RAB3C: variants seen among roughly 807,000 people sequenced by gnomAD.
The protein encoded by RAB3C is RAB3C, member RAS oncogene family, also known as ras-related protein Rab-3C.
RAB3C carries 17 observed loss-of-function variants against 26.4 expected under a neutral mutation model. That is an observed-to-expected ratio of 0.64 (90% CI 0.44 to 0.97). RAB3C has a LOEUF of 0.97. RAB3C is among the 50% of genes least tolerant of loss of function. RAB3C has a pLI of 0.00. For synonymous variants in RAB3C, 91 were observed against 95.9 expected, an observed-to-expected ratio of 0.95 and a Z score of 0.30; for missense variants, 242 against 281.9, an observed-to-expected ratio of 0.86 and a Z score of 1.01.
At chr5:58,698,103 CT>C (rs1748758162) in intron 2 of RAB3C, among the ~76,000 whole-genome samples, 1 of 152,052 alleles carries the variant, frequency 6.6e-6, no homozygotes, top group Admixed American at 6.6e-5. Context: ...TTCAGGAGCT[CT>C]TGTAAGTCAG....
At chr5:58,707,796 G>T (rs1451215092) in intron 2 of RAB3C, among the ~76,000 whole-genome samples, 2 of 151,986 alleles carry the variant, frequency 1.3e-5, no homozygotes, top group African/African-American at 4.8e-5. Flanking sequence ...GAAGGAATAG[G>T]TCTCCTAAAA....
chr5:58,590,961 A>G (rs1173057874), intron 1 of RAB3C, among the ~76,000 whole-genome samples: 2 of 152,222 alleles, frequency 1.3e-5, no homozygotes, highest in Non-Finnish European at 2.9e-5. Flanking sequence ...TAGTATTTAC[A>G]TTACATTTTA....
intron 3 of RAB3C, among the ~76,000 whole-genome samples, chr5:58,735,607 G>C (rs1741117135): frequency 6.6e-6 from 1 of 152,188 alleles, no homozygotes; most frequent in South Asian, 2.1e-4. Context: ...TGAGGGTTCT[G>C]AGGGAAAATC....
intron 4 of RAB3C, among the ~76,000 whole-genome samples, chr5:58,829,287 AG>A (rs1353315787): frequency 1.3e-5 from 2 of 152,182 alleles, no homozygotes; most frequent in African/African-American, 4.8e-5. Context: ...TTAAATTTAT[AG>A]TATGGTACTT....
At chr5:58,746,248 A>G (rs1741400463) in intron 3 of RAB3C, among the ~76,000 whole-genome samples, 1 of 152,160 alleles carries the variant, frequency 6.6e-6, no homozygotes, top group African/African-American at 2.4e-5. Flanking sequence ...AGGCAAAATC[A>G]AGAGCCTCCC....
rs1561260140 is a variant in RAB3C, at chr5:58,596,821, A to AT, written c.24+13590dup. On this transcript the variant is annotated intron_variant, in intron 1 of 4. Transcript: ENST00000282878. Reference sequence around the variant, plus strand: ...AAATTTATAATATATAATACATAATATATTATATATAAATTTATAATATAT... The same window carrying AT: ...AAATTTATAATATATAATACATAATATTATTATATATAAATTTATAATATAT... 1.3e-3 allele frequency among the ~76,000 whole-genome samples: 118 copies of AT among 87,520 alleles called. 1 individual carries two copies. The highest frequency in any genetic ancestry group is 5.8e-3 in the African/African-American group (115 of 19,898). 57.4% of individuals were successfully genotyped at this position (87,520 alleles called of 152,430 possible). A position where few individuals can be genotyped will look rare whatever the true frequency, so the allele number is the denominator to read the frequency against.
At chr5:58,845,457 T>C (rs888250896) in intron 4 of RAB3C, among the ~76,000 whole-genome samples, 2 of 151,774 alleles carry the variant, frequency 1.3e-5, no homozygotes, top group African/African-American at 4.8e-5. Context: ...AGAAGGGTTC[T>C]TGTTGAGCAT....
chr5:58,692,664 C>G (rs1450993030), intron 2 of RAB3C, among the ~76,000 whole-genome samples: 1 of 152,098 alleles, frequency 6.6e-6, no homozygotes, highest in African/African-American at 2.4e-5. Context: ...TATCCATGCC[C>G]TGTGTTTGAG....
intron 2 of RAB3C, among the ~76,000 whole-genome samples, chr5:58,706,700 T>C (rs992913554): frequency 6.6e-6 from 1 of 152,216 alleles, no homozygotes; most frequent in Non-Finnish European, 1.5e-5. Flanking sequence ...TCTAACCTCT[T>C]ACAGAATGCA....
At chr5:58,654,603 T>G (rs1747727235) in intron 2 of RAB3C, among the ~76,000 whole-genome samples, 2 of 152,202 alleles carry the variant, frequency 1.3e-5, no homozygotes, top group Admixed American at 1.3e-4. Context: ...GAAATTCCCA[T>G]TGTGATAAAA....
intron 2 of RAB3C, among the ~76,000 whole-genome samples, chr5:58,624,447 G>A (rs115005620): frequency 1.6e-3 from 236 of 152,234 alleles, no homozygotes; most frequent in African/African-American, 5.4e-3. Flanking sequence ...TGATACTGTT[G>A]GGGCTTGAAG....
intron 3 of RAB3C, among the ~76,000 whole-genome samples, chr5:58,810,397 G>T (rs1320283055): frequency 8.7e-6 from 1 of 115,202 alleles, no homozygotes; most frequent in South Asian, 2.9e-4. Context: ...GTGTGTGTGT[G>T]TGTGTGTGTG....
intron 3 of RAB3C, among the ~76,000 whole-genome samples, chr5:58,740,146 C>T (rs754222058): frequency 2.6e-5 from 4 of 152,152 alleles, no homozygotes; most frequent in Non-Finnish European, 5.9e-5. Context: ...CCAGGCCAGG[C>T]AGGGGCCATG....
At chr5:58,813,596 A>ATT (rs1388835090) in intron 3 of RAB3C, among the ~76,000 whole-genome samples, 1 of 9,350 alleles carries the variant, frequency 1.1e-4, no homozygotes, top group African/African-American at 7.1e-4. Context: ...TTATATTTAT[A>ATT]TATATATATA....
chr5:58,755,727 G>A (rs949889650), intron 3 of RAB3C, among the ~76,000 whole-genome samples: 4 of 152,218 alleles, frequency 2.6e-5, no homozygotes, highest in Non-Finnish European at 5.9e-5. Context: ...TGCCCACTGG[G>A]CAGCATTTTG....
At chr5:58,664,148 C>T (rs159003) in intron 2 of RAB3C, among the ~76,000 whole-genome samples, 80,620 of 151,984 alleles carry the variant, frequency 0.53, 21,582 homozygotes, top group East Asian at 0.57. Context: ...TGAAAACTTA[C>T]ATTTTCATAG....
Position 58,637,979 on chromosome 5 carries a change from A to G in RAB3C, c.252+20109A>G, listed in dbSNP as rs138944644. On this transcript the variant is annotated intron_variant, in intron 2 of 4. Transcript: ENST00000282878. ...AACACAGGAGTAATTTATTTAAGCA[A>G]TACCTTATTACTGGCTTTTCTTTTT... Among the ~76,000 whole-genome samples the G allele has an allele frequency of 2.9e-3, 445 of 152,266 alleles. 1 individual carries two copies. The highest frequency in any genetic ancestry group is 9.9e-3 in the African/African-American group (413 of 41,570).
intron 2 of RAB3C, among the ~76,000 whole-genome samples, chr5:58,646,378 C>G (rs950511790): frequency 9.9e-5 from 15 of 151,808 alleles, no homozygotes; most frequent in African/African-American, 3.6e-4. Context: ...TTCATTGAAA[C>G]AATTAGTCTA....
At chr5:58,811,540 A>G (rs936629697) in intron 3 of RAB3C, among the ~76,000 whole-genome samples, 1 of 152,174 alleles carries the variant, frequency 6.6e-6, no homozygotes, top group Non-Finnish European at 1.5e-5. Context: ...CCAGAACCCA[A>G]GGCCTAGGAA....
Sources: allele counts gnomAD v4.1 joint callset (sites outside exome capture counted in the v4.1 genomes callset), GRCh38; gene constraint gnomAD v4.1.1; transcripts MANE v1.5; gene names NCBI Gene and HGNC (gene_info 2026-07-23, HGNC 2026-07-21).